Variants in PRKG2 observed in about 807,000 individuals in gnomAD.
PRKG2 encodes cGMP-dependent protein kinase 2.
PRKG2 carries 33 observed loss-of-function variants against 97.2 expected under a neutral mutation model. That is an observed-to-expected ratio of 0.34 (90% CI 0.26 to 0.45). PRKG2 has a LOEUF of 0.45. Ranked by LOEUF, PRKG2 falls within the 20% of genes least tolerant of loss-of-function variation. The pLI, the probability that PRKG2 is intolerant of heterozygous loss-of-function variation, is 1.00. For synonymous variants in PRKG2, 330 were observed against 321.8 expected, an observed-to-expected ratio of 1.03 and a Z score of -0.27; for missense variants, 638 against 900.0, an observed-to-expected ratio of 0.71 and a Z score of 3.73.
rs183154353 is a variant in PRKG2 at position 81,156,497 on chromosome 4, C to T, written c.913-2776G>A. Among the ~76,000 whole-genome samples, 209 of 152,230 alleles carry T rather than the reference C, an allele frequency of 1.4e-3. 2 individuals carry two copies. Among genetic ancestry groups the T allele is most frequent in the Non-Finnish European group, 2.2e-4 (15 of 68,018 alleles). ...TTAATAATGGGAGACTTTAACACCC[C>T]ACCGTCAACATTAGACAGATCAACG... On this transcript the variant is annotated intron_variant, in intron 6 of 18. Coordinates refer to ENST00000264399, the MANE Select transcript of PRKG2 (RefSeq NM_006259.3).
intron 8 of PRKG2, among the ~76,000 whole-genome samples, chr4:81,150,585 T>C (rs1478707834): frequency 6.6e-6 from 1 of 152,198 alleles, no homozygotes; most frequent in Non-Finnish European, 1.5e-5. Context: ...TAAATTCCCA[T>C]GCTTTTTTTA....
intron 14 of PRKG2, among the ~76,000 whole-genome samples, chr4:81,113,370 C>CCCT (rs565485187): frequency 6.6e-6 from 1 of 151,094 alleles, no homozygotes; most frequent in African/African-American, 2.4e-5. Context: ...AGCACCCCCC[C>CCCT]TTTTTTTTCA....
chr4:81,206,460 C>T (rs551633152), intron 1 of PRKG2, among the ~76,000 whole-genome samples: 10 of 152,200 alleles, frequency 6.6e-5, no homozygotes, highest in African/African-American at 1.2e-4. Flanking sequence ...CTTTGCCTTC[C>T]GCCATGATTA....
Position 81,114,661 on chromosome 4 carries a change from A to G in PRKG2, c.1777-4050T>C, listed in dbSNP as rs187580529. Among the ~76,000 whole-genome samples, 60 of 152,296 alleles carry G rather than the reference A, an allele frequency of 3.9e-4. 1 individual carries two copies. The highest frequency in any genetic ancestry group is 1.3e-3 in the Admixed American group (20 of 15,290). The stretch of plus-strand genomic sequence containing the variant: ...ACATACAAAATAATGTGACACATAA[A>G]CAAGTTATAAAGCATGAGAATAAAA... On this transcript the variant is annotated intron_variant, in intron 14 of 18. Coordinates refer to ENST00000264399, the MANE Select transcript of PRKG2 (RefSeq NM_006259.3).
At chr4:81,201,022 T>C (rs1753277041) in intron 2 of PRKG2, among the ~76,000 whole-genome samples, 1 of 152,158 alleles carries the variant, frequency 6.6e-6, no homozygotes, top group South Asian at 2.1e-4. Flanking sequence ...CTCACAGGCA[T>C]AGACTCATTT....
chr4:81,141,544 T>A (rs1437999005), intron 11 of PRKG2, among the ~76,000 whole-genome samples: 1 of 152,142 alleles, frequency 6.6e-6, no homozygotes, highest in East Asian at 1.9e-4. Flanking sequence ...AAGTATTTCC[T>A]AAAAAGGAAA....
At chr4:81,188,603 G>A (rs1192608793) in intron 2 of PRKG2, among the ~76,000 whole-genome samples, 1 of 133,030 alleles carries the variant, frequency 7.5e-6, no homozygotes, top group Non-Finnish European at 1.5e-5. Flanking sequence ...ATTCACAATA[G>A]CAAAGACGTG....
intron 1 of PRKG2, among the ~76,000 whole-genome samples, 197 bp downstream of exon 1, chr4:81,214,739 A>G (rs1008813512): frequency 1.4e-4 from 21 of 152,188 alleles, no homozygotes; most frequent in African/African-American, 5.1e-4. Context: ...AGCTCACGAA[A>G]CGCTGCCACA....
intron 2 of PRKG2, chr4:81,192,966 G>GT (rs1413347412): frequency 1.3e-5 from 2 of 152,204 alleles, no homozygotes; most frequent in African/African-American, 2.4e-5. Context: ...ACCTACAGTT[G>GT]TATTAGGCTC....
At chr4:81,096,218 A>G (rs1352325714) in intron 17 of PRKG2, among the ~76,000 whole-genome samples, 1 of 152,170 alleles carries the variant, frequency 6.6e-6, no homozygotes, top group Non-Finnish European at 1.5e-5. Flanking sequence ...ACTGTTTGAT[A>G]GCATTTTATG....
At chr4:81,096,850 C>T (rs1742164542) in intron 17 of PRKG2, among the ~76,000 whole-genome samples, 1 of 152,196 alleles carries the variant, frequency 6.6e-6, no homozygotes, top group Non-Finnish European at 1.5e-5. Context: ...AAGTCTTCAA[C>T]TTCCCAAAGC....
intron 1 of PRKG2, among the ~76,000 whole-genome samples, chr4:81,208,554 TAGGACTAC>T (rs1439965254): frequency 2.0e-5 from 3 of 152,096 alleles, no homozygotes; most frequent in African/African-American, 7.2e-5. Flanking sequence ...TCAGAGTAGC[TAGGACTAC>T]AGAGGCACAC....
At chr4:81,171,255 C>G (rs529634624) in intron 4 of PRKG2, among the ~76,000 whole-genome samples, 11 of 150,672 alleles carry the variant, frequency 7.3e-5, no homozygotes, top group Non-Finnish European at 1.5e-4. Flanking sequence ...TAAGTAAGAA[C>G]ATGCAGTGTT....
intron 14 of PRKG2, among the ~76,000 whole-genome samples, chr4:81,113,252 G>T (rs112421999): frequency 6.6e-6 from 1 of 152,018 alleles, no homozygotes; most frequent in African/African-American, 2.4e-5. Flanking sequence ...AACAGAAGGG[G>T]TATGGCATGG....
chr4:81,208,772 T>C (rs1404148125), intron 1 of PRKG2, among the ~76,000 whole-genome samples: 1 of 152,108 alleles, frequency 6.6e-6, no homozygotes, highest in Non-Finnish European at 1.5e-5. Flanking sequence ...CTGGATTCTA[T>C]CTTCCATTGA....
chr4:81,172,696 GA>G (rs527899599), intron 3 of PRKG2, among the ~76,000 whole-genome samples: 5 of 151,896 alleles, frequency 3.3e-5, no homozygotes, highest in Middle Eastern at 3.4e-3. Context: ...GTTCTTAGAG[GA>G]AAAAAAAGTG....
At chr4:81,157,699 G>A (rs10031760) in intron 6 of PRKG2, among the ~76,000 whole-genome samples, 32 of 151,644 alleles carry the variant, frequency 2.1e-4, no homozygotes, top group Non-Finnish European at 3.4e-4. Flanking sequence ...CTGGCAAACC[G>A]AATCCAGCAG....
upstream of PRKG2, among the ~76,000 whole-genome samples, chr4:81,217,726 A>C (rs1430408042): frequency 6.6e-6 from 1 of 152,232 alleles, no homozygotes; most frequent in Non-Finnish European, 1.5e-5. Flanking sequence ...AAATGAGAGA[A>C]AAAAATATGG....
chr4:81,092,429 T>C lies in PRKG2; in HGVS notation c.2150A>G (p.Glu717Gly). 6.3e-7 allele frequency: 1 copy of C among 1,587,668 alleles called. No individual in the cohort carries two copies. Residue 717 changes from glutamate (E) to glycine (G), a missense_variant, in exon 18 of 19, where the codon GAG becomes GGG. Physicochemically the swap from Glu to Gly is moderately conservative, Grantham distance 98. Coordinates refer to ENST00000264399, the MANE Select transcript of PRKG2 (RefSeq NM_006259.3). ...TGGAAGGCTCCGTGCTTTCAGTCCCTCCCAATTAAAACCATTTAACCACCT... is the reference window on the plus strand; with the variant it reads ...TGGAAGGCTCCGTGCTTTCAGTCCCCCCCAATTAAAACCATTTAACCACCT... ...KHRWLNGFNW[E>G]GLKARSLPSP...
Sources: gnomAD v4.1 joint callset for allele counts (sites outside exome capture counted in the v4.1 genomes callset) on GRCh38, gnomAD v4.1.1 for gene constraint, MANE v1.5 for transcripts, NCBI Gene and HGNC (gene_info 2026-07-23, HGNC 2026-07-21) for gene names.